SPRTN: variants seen among roughly 807,000 people sequenced by gnomAD.
SPRTN encodes DNA-dependent metalloprotease SPRTN.
SPRTN carries 11 observed loss-of-function variants against 31.9 expected under a neutral mutation model. That is an observed-to-expected ratio of 0.34 (90% CI 0.22 to 0.57). The LOEUF (loss-of-function observed/expected upper bound fraction) is 0.57, where lower values mean the gene tolerates loss of function less well. Ranked by LOEUF, SPRTN falls within the 20% of genes least tolerant of loss-of-function variation. The pLI is 0.86. For missense variants in SPRTN, 482 were observed against 590.1 expected (o/e 0.82, Z 1.90); for synonymous variants, 185 against 212.1 (o/e 0.87, Z 1.11).
intron 2 of SPRTN, among the ~76,000 whole-genome samples, chr1:231,342,003 C>T (rs907214067): frequency 1.3e-5 from 2 of 152,216 alleles, no homozygotes; most frequent in South Asian, 2.1e-4. Context: ...GCCTCAACCT[C>T]CCAGGCCCAA....
Position 231,353,514 on chromosome 1 carries a change from A to G in SPRTN, c.*153A>G. 7.4e-7 allele frequency: 1 copy of G among 1,357,542 alleles called. No homozygotes were observed. Among genetic ancestry groups the G allele is most frequent in the Non-Finnish European group, 9.4e-7 (1 of 1,061,894 alleles). 84.1% of individuals were successfully genotyped at this position (1,357,542 alleles called of 1,614,324 possible). Reference sequence around the variant, plus strand: ...GTCCTATTTTATATATACGCATATAAGATTGTAATTTTAAGATGTTTTGTG... The same window carrying G: ...GTCCTATTTTATATATACGCATATAGGATTGTAATTTTAAGATGTTTTGTG... On this transcript the variant is annotated 3_prime_UTR_variant, in exon 5 of 5. Coordinates refer to ENST00000295050, the MANE Select transcript of SPRTN (RefSeq NM_032018.7).
rs555465010 is a variant in SPRTN at position 231,350,743 on chromosome 1, C to T, written c.451-561C>T. On this transcript the variant is annotated intron_variant, in intron 3 of 4. Coordinates refer to ENST00000295050, the MANE Select transcript of SPRTN (RefSeq NM_032018.7). The stretch of plus-strand genomic sequence containing the variant: ...AAATGGTACCTCATAAGGCTTATTA[C>T]AGAGACATAAGCACAGAACTTGGAG... 5.9e-5 allele frequency among the ~76,000 whole-genome samples: 9 copies of T among 152,172 alleles called. 1 individual carries two copies. The South Asian group carries it at 1.7e-3, about 28-fold the overall frequency.
chr1:231,341,056 A>G (rs1686872735), intron 2 of SPRTN, among the ~76,000 whole-genome samples: 1 of 152,114 alleles, frequency 6.6e-6, no homozygotes, highest in South Asian at 2.1e-4. Flanking sequence ...GTGGTACAGT[A>G]GAAATACTTG....
At chr1:231,352,421 T>G in intron 4 of SPRTN, 189 bp from the exon 5 acceptor site, 1 of 1,271,194 alleles carries the variant, frequency 7.9e-7, no homozygotes, top group Non-Finnish European at 9.9e-7. Flanking sequence ...ATCCTTTATA[T>G]TCTCTCAATA....
intron 2 of SPRTN, among the ~76,000 whole-genome samples, chr1:231,342,128 C>T (rs910883470): frequency 2.6e-5 from 4 of 151,866 alleles, no homozygotes; most frequent in African/African-American, 7.3e-5. Context: ...AATGAATAAG[C>T]GGAAAAAAAT....
intron 1 of SPRTN, chr1:231,339,518 A>C: frequency 1.4e-6 from 1 of 701,432 alleles, no homozygotes; most frequent in Non-Finnish European, 2.6e-6. Flanking sequence ...GCAGCCTTCC[A>C]CCTTCTCAAG....
At chr1:231,339,484 T>C (rs1686796236) in intron 1 of SPRTN, 2 of 642,248 alleles carry the variant, frequency 3.1e-6, no homozygotes, top group East Asian at 3.5e-5. Context: ...CCAGGTACGG[T>C]CCTGGCGTCT....
intron 2 of SPRTN, among the ~76,000 whole-genome samples, chr1:231,343,877 G>A (rs995941732): frequency 1.3e-5 from 2 of 152,052 alleles, no homozygotes; most frequent in African/African-American, 4.8e-5. Flanking sequence ...CAGAAAGCAT[G>A]GGAATAATGT....
Position 231,338,312 on chromosome 1 carries a change from G to GC in SPRTN, c.-71dup. On this transcript the variant is annotated 5_prime_UTR_variant, in exon 1 of 5. Transcript: ENST00000295050. The stretch of plus-strand genomic sequence containing the variant: ...GGAGCTAGTCCTGGTCCTCGGCTAG[G>GC]CGGCTTGGGGTCGCGGCGTAACTGG... The GC allele has an allele frequency of 2.6e-6, 4 of 1,548,304 alleles. No homozygotes were observed. Among genetic ancestry groups the GC allele is most frequent in the Non-Finnish European group, 3.5e-6 (4 of 1,132,680 alleles).
intron 2 of SPRTN, among the ~76,000 whole-genome samples, chr1:231,342,927 C>T (rs1374984631): frequency 6.6e-6 from 1 of 151,646 alleles, no homozygotes; most frequent in Non-Finnish European, 1.5e-5. Flanking sequence ...TTACTAGAGA[C>T]GGGGTTTCAT....
chr1:231,352,427 C>G, intron 4 of SPRTN, 183 bp from the exon 5 acceptor site: 2 of 1,286,464 alleles, frequency 1.6e-6, no homozygotes, highest in South Asian at 3.0e-5. Flanking sequence ...TATATTCTCT[C>G]AATATCAGAA....
rs1481141632 is a variant in SPRTN at position 231,352,704 on chromosome 1, A to G, written c.813A>G (p.Lys271=). Residue 271 remains lysine, a synonymous_variant, in exon 5 of 5, where the codon AAA becomes AAG. Coordinates refer to ENST00000295050, the MANE Select transcript of SPRTN (RefSeq NM_032018.7). ...GETSNLPSPG[K]LITSHAINKT... ...CAAGCAATTTACCTTCACCTGGGAA[A>G]CTGATCACTTCACATGCCATTAATA... The G allele has an allele frequency of 4.3e-6, 7 of 1,613,956 alleles. No homozygotes were observed. The African/African-American group carries it at 9.3e-5, about 22-fold the overall frequency.
rs958022834 is a variant in SPRTN at position 231,353,681 on chromosome 1, C to A, written c.*320C>A. 8.1e-5 allele frequency: 81 copies of A among 1,004,206 alleles called. No homozygotes were observed. The highest frequency in any genetic ancestry group is 9.5e-5 in the Non-Finnish European group (80 of 838,486). 62.2% of individuals were successfully genotyped at this position (1,004,206 alleles called of 1,614,324 possible). Reference sequence around the variant, plus strand: ...TTAATCTTTTTATTTGTATACTTTCCTAAAAATATTCATATGGGGAATCCT... The same window carrying A: ...TTAATCTTTTTATTTGTATACTTTCATAAAAATATTCATATGGGGAATCCT... On this transcript the variant is annotated 3_prime_UTR_variant, in exon 5 of 5. Transcript: ENST00000295050.
chr1:231,353,424 C>T lies in SPRTN; in HGVS notation c.*63C>T. ...TCACTAATGTGCTATGTCAGCCAGT[C>T]AGGAAGTTCTGGTTAATACTAAGAT... On this transcript the variant is annotated 3_prime_UTR_variant, in exon 5 of 5. Transcript: ENST00000295050. The T allele has an allele frequency of 2.0e-6, 3 of 1,502,932 alleles. No homozygotes were observed. Among genetic ancestry groups the T allele is most frequent in the Admixed American group, 4.7e-5 (2 of 42,218 alleles). The allele number at this position is 1,502,932 out of a possible 1,614,324, so 93.1% of individuals were successfully genotyped here. A position where few individuals can be genotyped will look rare whatever the true frequency, so the allele number is the denominator to read the frequency against.
intron 3 of SPRTN, among the ~76,000 whole-genome samples, chr1:231,349,261 A>G (rs1361678535): frequency 6.6e-6 from 1 of 152,142 alleles, no homozygotes; most frequent in Non-Finnish European, 1.5e-5. Flanking sequence ...TATAGACATG[A>G]GCTACCATGC....
Position 231,354,141 on chromosome 1 carries a change from A to ATT in SPRTN, c.*780_*781insTT. The ATT allele has an allele frequency of 3.0e-6, 3 of 985,310 alleles. No individual in the cohort carries two copies. Among genetic ancestry groups the ATT allele is most frequent in the Non-Finnish European group, 3.6e-6 (3 of 829,800 alleles). The allele number at this position is 985,310 out of a possible 1,614,324, so 61.0% of individuals were successfully genotyped here. A position where few individuals can be genotyped will look rare whatever the true frequency, so the allele number is the denominator to read the frequency against. On this transcript the variant is annotated 3_prime_UTR_variant, in exon 5 of 5. Transcript: ENST00000295050. ...CTGATACATATAACATAAACATAACAAAGTTGCCTAGTTGATGTAACAGTG... is the reference window on the plus strand; with the variant it reads ...CTGATACATATAACATAAACATAACATTAAGTTGCCTAGTTGATGTAACAGTG...
intron 1 of SPRTN, 71 bp downstream of exon 1, chr1:231,338,675 C>G: frequency 6.4e-7 from 1 of 1,571,870 alleles, no homozygotes; most frequent in South Asian, 1.1e-5. Flanking sequence ...CCCTGGTTTT[C>G]TCTCCTTTCT....
intron 2 of SPRTN, among the ~76,000 whole-genome samples, chr1:231,345,231 C>T (rs2102866796): frequency 6.6e-6 from 1 of 151,834 alleles, no homozygotes; most frequent in East Asian, 1.9e-4. Flanking sequence ...AGGTGATTCT[C>T]CTGCCTCTGC....
At chr1:231,350,534 C>T (rs1687192770) in intron 3 of SPRTN, among the ~76,000 whole-genome samples, 1 of 152,006 alleles carries the variant, frequency 6.6e-6, no homozygotes, top group South Asian at 2.1e-4. Flanking sequence ...AAGAAGGCAT[C>T]CTACTTAAGG....
Sources: allele counts gnomAD v4.1 joint callset (sites outside exome capture counted in the v4.1 genomes callset), GRCh38; gene constraint gnomAD v4.1.1; transcripts MANE v1.5; gene names NCBI Gene and HGNC (gene_info 2026-07-23, HGNC 2026-07-21).